FAM135A: variants seen among roughly 807,000 people sequenced by gnomAD.
FAM135A encodes the protein protein FAM135A.
A neutral mutation model predicts 146.8 loss-of-function variants in FAM135A; 79 were observed. That is an observed-to-expected ratio of 0.54 (90% CI 0.45 to 0.65). FAM135A has a LOEUF of 0.65. Among genes scored for constraint, FAM135A ranks in the 30% least tolerant of loss-of-function variants. FAM135A has a pLI of 0.00. For synonymous variants in FAM135A, 562 were observed against 603.6 expected (o/e 0.93, Z 1.01); for missense variants, 1,623 against 1,758.2 (o/e 0.92, Z 1.38).
At position 70,452,550 on chromosome 6, in the gene FAM135A, G is replaced by A. The variant is rs754757798; in HGVS notation, c.136G>A (p.Ala46Thr). 19 of 1,593,756 alleles carry A rather than the reference G, an allele frequency of 1.2e-5. No homozygotes were observed. Among genetic ancestry groups the A allele is most frequent in the Admixed American group, 1.1e-4 (6 of 54,974 alleles). ...ATCAAGAATTCCCCACAGAGTAGAA[G>A]CTAGTTTGTTGCATGCAACAGGTAA... The part of the protein sequence containing the change: ...IPSRIPHRVE[A>T]SLLHATGMTL... Residue 46 changes from alanine (A) to threonine (T), a missense_variant, in exon 5 of 22, where the codon GCT (alanine) becomes ACT (threonine). Around this residue, in one of 7 missense-constraint regions of FAM135A, gnomAD observed 171 missense variants for 164.9 expected, o/e 1.04. Coordinates refer to ENST00000418814, the MANE Select transcript of FAM135A (RefSeq NM_001162529.3).
At chr6:70,445,431 T>C (rs1036294506) in intron 4 of FAM135A, among the ~76,000 whole-genome samples, 2 of 152,070 alleles carry the variant, frequency 1.3e-5, no homozygotes, top group African/African-American at 2.4e-5. Context: ...AATGTAGAGG[T>C]GCGGAGTGGG....
intron 12 of FAM135A, among the ~76,000 whole-genome samples, chr6:70,505,839 T>C (rs1257713644): frequency 1.3e-5 from 2 of 152,172 alleles, no homozygotes; most frequent in Non-Finnish European, 2.9e-5. Context: ...ATTTTTGCTA[T>C]ATTGTAGTAA....
intron 8 of FAM135A, among the ~76,000 whole-genome samples, chr6:70,478,869 T>A (rs79421004): frequency 0.13 from 19,754 of 151,986 alleles, 1,513 homozygotes; most frequent in Middle Eastern, 0.18. Context: ...AACTTAAAAT[T>A]TTTTTGGAAG....
intron 12 of FAM135A, among the ~76,000 whole-genome samples, chr6:70,505,225 C>G (rs999013410): frequency 3.9e-5 from 6 of 152,080 alleles, no homozygotes; most frequent in African/African-American, 1.4e-4. Context: ...AACCAATACA[C>G]TGATCTTCTT....
chr6:70,447,768 T>C (rs1356186075), intron 4 of FAM135A, among the ~76,000 whole-genome samples: 3 of 152,234 alleles, frequency 2.0e-5, no homozygotes, highest in African/African-American at 7.2e-5. Context: ...GTTTTCTTTT[T>C]TCCCCTATCT....
intron 18 of FAM135A, among the ~76,000 whole-genome samples, chr6:70,534,348 G>T (rs554776868): frequency 1.0e-4 from 11 of 106,414 alleles, no homozygotes; most frequent in South Asian, 5.7e-4. Context: ...GAGGCAGGGT[G>T]TTGCTCAGTC....
chr6:70,447,876 C>A (rs147379586), intron 4 of FAM135A, among the ~76,000 whole-genome samples: 9 of 152,116 alleles, frequency 5.9e-5, no homozygotes, highest in African/African-American at 2.2e-4. Context: ...TTTCCTTTAT[C>A]CACTCAGTAC....
In FAM135A at chr6:70,559,805, G is replaced by A. The variant is rs2128523913; in HGVS notation, c.4432G>A (p.Ala1478Thr). The A allele has an allele frequency of 6.2e-7, 1 of 1,614,068 alleles. No individual in the cohort carries two copies. Among genetic ancestry groups the A allele is most frequent in the Non-Finnish European group, 8.5e-7 (1 of 1,179,988 alleles). The change falls in exon 22 of 22, where the codon GCA becomes ACA. Residue 1478 changes from alanine (A) to threonine (T), a missense_variant. Around this residue, in one of 7 missense-constraint regions of FAM135A, gnomAD observed 138 missense variants for 174.1 expected, o/e 0.79. Coordinates refer to ENST00000418814, the MANE Select transcript of FAM135A (RefSeq NM_001162529.3). ...TTTGGTTCGCTATAATGTCATCAAT[G>A]CATTGCCCAATACAGCTGATTCACT... ...CNLVRYNVINALPNTADSLIG... is the reference protein window; with the variant it reads ...CNLVRYNVINTLPNTADSLIG...
At chr6:70,501,757 C>T (rs1292536849) in intron 11 of FAM135A, among the ~76,000 whole-genome samples, 3 of 152,126 alleles carry the variant, frequency 2.0e-5, no homozygotes, top group Non-Finnish European at 4.4e-5. Flanking sequence ...TCGTAACGCC[C>T]CACCCTGCTT....
At chr6:70,462,336 G>A (rs1369382644) in intron 5 of FAM135A, among the ~76,000 whole-genome samples, 1 of 152,096 alleles carries the variant, frequency 6.6e-6, no homozygotes, top group African/African-American at 2.4e-5. Context: ...TTTGATTTCT[G>A]GGCAGATTAT....
At chr6:70,539,667 A>G (rs961012014) in intron 20 of FAM135A, among the ~76,000 whole-genome samples, 2 of 152,170 alleles carry the variant, frequency 1.3e-5, no homozygotes, top group African/African-American at 4.8e-5. Context: ...TTATTCTTTA[A>G]TATAATGACC....
At chr6:70,421,330 A>G (rs1026966689) in intron 2 of FAM135A, among the ~76,000 whole-genome samples, 1 of 152,204 alleles carries the variant, frequency 6.6e-6, no homozygotes, top group Non-Finnish European at 1.5e-5. Context: ...AAATTAAATA[A>G]AATTAAAAAT....
intron 11 of FAM135A, among the ~76,000 whole-genome samples, chr6:70,501,631 T>C (rs1389300722): frequency 6.6e-6 from 1 of 152,204 alleles, no homozygotes; most frequent in East Asian, 1.9e-4. Context: ...TACAGGCACA[T>C]GAGGGAACCT....
intron 16 of FAM135A, among the ~76,000 whole-genome samples, chr6:70,531,888 CTTTTTTTTTTTTTTT>C (rs869128532): frequency 1.2e-5 from 1 of 85,716 alleles, no homozygotes; most frequent in Non-Finnish European, 2.2e-5. Context: ...AAACTGATTT[CTTTTTTTTTTTTTTT>C]TTTTTTTTTT....
At position 70,524,172 on chromosome 6, in the gene FAM135A, T is replaced by C. The variant is rs141636163; in HGVS notation, c.1258+51T>C. The C allele has an allele frequency of 8.1e-4, 1,237 of 1,522,364 alleles. 1 individual carries two copies. Among genetic ancestry groups the C allele is most frequent in the Middle Eastern group, 2.4e-3 (14 of 5,780 alleles). 94.3% of individuals were successfully genotyped at this position (1,522,364 alleles called of 1,614,324 possible). A position where few individuals can be genotyped will look rare whatever the true frequency, so the allele number is the denominator to read the frequency against. On this transcript the variant is annotated intron_variant, in intron 14 of 21. Coordinates refer to ENST00000418814, the MANE Select transcript of FAM135A (RefSeq NM_001162529.3). ...CAAGCTATGTGTATAGTTTTCAGTA[T>C]ATTCTTCCTAATATACATAAAACCA... is the stretch of plus-strand genomic sequence containing the variant.
At chr6:70,432,181 C>G (rs927122135) in intron 4 of FAM135A, among the ~76,000 whole-genome samples, 1 of 152,074 alleles carries the variant, frequency 6.6e-6, no homozygotes, top group South Asian at 2.1e-4. Flanking sequence ...CCACTAACCT[C>G]AGTATTTTAT....
At chr6:70,528,121 A>G in intron 15 of FAM135A, among the ~76,000 whole-genome samples, 171 bp from the exon 16 acceptor site, 1 of 152,242 alleles carries the variant, frequency 6.6e-6, no homozygotes, top group East Asian at 1.9e-4. Context: ...ACTACAAATA[A>G]TAAAGAAAAT....
chr6:70,518,588 G>C (rs527900178), intron 12 of FAM135A, among the ~76,000 whole-genome samples: 49 of 152,268 alleles, frequency 3.2e-4, no homozygotes, highest in African/African-American at 1.1e-3. Flanking sequence ...TAAAGGGCAG[G>C]CTGACTCTCT....
chr6:70,479,101 T>A (rs1783202409), intron 8 of FAM135A, among the ~76,000 whole-genome samples: 1 of 152,202 alleles, frequency 6.6e-6, no homozygotes, highest in Non-Finnish European at 1.5e-5. Flanking sequence ...CTATTTCTTT[T>A]TAAGATTTAC....
Sources: allele counts gnomAD v4.1 joint callset (sites outside exome capture counted in the v4.1 genomes callset), GRCh38; gene constraint gnomAD v4.1.1; regional missense constraint gnomAD v4.1.1; transcripts MANE v1.5; gene names NCBI Gene and HGNC (gene_info 2026-07-23, HGNC 2026-07-21).